The following LIPA variants were observed in gnomAD, a reference collection of about 807,000 sequenced individuals.
The protein encoded by LIPA is lipase A, lysosomal acid type.
Under a neutral mutation model 40.6 loss-of-function variants are expected in LIPA, and 26 were observed. The ratio of observed to expected loss-of-function variants is 0.64; its 90% CI spans 0.47 to 0.89. The LOEUF is 0.89. Ranked by LOEUF, LIPA falls within the 40% of genes least tolerant of loss-of-function variation. LIPA has a pLI of 0.00. For missense variants in LIPA, 455 were observed against 479.6 expected, an observed-to-expected ratio of 0.95 and a Z score of 0.48; for synonymous variants, 188 against 168.4, an observed-to-expected ratio of 1.12 and a Z score of -0.90.
intron 1 of LIPA, among the ~76,000 whole-genome samples, chr10:89,332,299 T>C (rs561289766): frequency 6.6e-6 from 1 of 152,366 alleles, no homozygotes; most frequent in African/African-American, 2.4e-5. Context: ...CTTTGCCTCT[T>C]GACATAACAC....
chr10:89,306,814 A>C, intron 1 of LIPA: 2 of 1,614,136 alleles, frequency 1.2e-6, no homozygotes, highest in Non-Finnish European at 8.5e-7. Flanking sequence ...TGCATTGCCA[A>C]ATTGGGTGCT....
chr10:89,224,302 A>AT (rs1273821089), intron 6 of LIPA, among the ~76,000 whole-genome samples: 1 of 152,046 alleles, frequency 6.6e-6, no homozygotes, highest in Non-Finnish European at 1.5e-5. Flanking sequence ...GTTTTTTAAA[A>AT]TTTTTTTTAT....
chr10:89,300,994 C>T (rs911353588), intron 1 of LIPA, among the ~76,000 whole-genome samples: 18 of 152,082 alleles, frequency 1.2e-4, no homozygotes, highest in Admixed American at 2.6e-4. Flanking sequence ...CTTTGGTTAA[C>T]GATTTTAGTT....
chr10:89,313,545 T>A (rs1333678158), intron 1 of LIPA, among the ~76,000 whole-genome samples: 1 of 152,116 alleles, frequency 6.6e-6, no homozygotes, highest in Non-Finnish European at 1.5e-5. Context: ...TAGATACATA[T>A]GTAAGAAAAA....
chr10:89,387,859 T>C (rs771565868), intron 2 of LIPA, among the ~76,000 whole-genome samples: 57 of 152,182 alleles, frequency 3.7e-4, no homozygotes, highest in Non-Finnish European at 7.1e-4. Flanking sequence ...GTTATACAAG[T>C]GTTCATTGTA....
intron 3 of LIPA, among the ~76,000 whole-genome samples, chr10:89,243,754 G>A (rs755952715): frequency 2.6e-5 from 4 of 152,118 alleles, no homozygotes; most frequent in African/African-American, 4.8e-5. Context: ...GCAACAGTGT[G>A]ATACACACAG....
intron 6 of LIPA, among the ~76,000 whole-genome samples, chr10:89,224,353 T>C (rs1842739703): frequency 6.6e-6 from 1 of 152,246 alleles, no homozygotes; most frequent in Non-Finnish European, 1.5e-5. Context: ...CCCAGCACTT[T>C]GAGAGGCCAA....
At chr10:89,308,292 T>G (rs534653178) in intron 1 of LIPA, 1 of 152,132 alleles carries the variant, frequency 6.6e-6, no homozygotes. Context: ...ATGGAGAAAT[T>G]TGCAGTATTT....
intron 3 of LIPA, among the ~76,000 whole-genome samples, chr10:89,233,710 G>C (rs747547357): frequency 2.6e-5 from 4 of 152,164 alleles, no homozygotes; most frequent in Non-Finnish European, 2.9e-5. Flanking sequence ...GGCCAGCCTG[G>C]CCAGCATGGT....
At chr10:89,334,782 C>T (rs1261782120) in intron 1 of LIPA, among the ~76,000 whole-genome samples, 7 of 152,138 alleles carry the variant, frequency 4.6e-5, no homozygotes, top group African/African-American at 7.2e-5. Flanking sequence ...TGAGCCACCG[C>T]GCCCGGCCAC....
chr10:89,294,376 A>G (rs1843396189), intron 1 of LIPA, among the ~76,000 whole-genome samples: 2 of 152,256 alleles, frequency 1.3e-5, no homozygotes, highest in Non-Finnish European at 2.9e-5. Context: ...GGAAAGTCCA[A>G]GATCAAGGGG....
chr10:89,379,930 G>C (rs932561835), intron 2 of LIPA, among the ~76,000 whole-genome samples: 1 of 151,996 alleles, frequency 6.6e-6, no homozygotes, highest in African/African-American at 2.4e-5. Flanking sequence ...AGCTACTCAG[G>C]AGGCTGAGGC....
intron 1 of LIPA, chr10:89,307,318 G>C: frequency 6.2e-7 from 1 of 1,612,874 alleles, no homozygotes; most frequent in Non-Finnish European, 8.5e-7. Context: ...AAGACTCTGA[G>C]AGGGGTTTGG....
exon 2 of LIPA, chr10:89,412,869 C>CCTG: frequency 3.2e-6 from 1 of 313,814 alleles, no homozygotes; most frequent in Non-Finnish European, 6.4e-6. Context: ...AACTGTAGCA[C>CCTG]TCACAGCGAG....
chr10:89,386,018 G>A (rs932744650), intron 2 of LIPA, among the ~76,000 whole-genome samples: 4 of 152,190 alleles, frequency 2.6e-5, no homozygotes, highest in Non-Finnish European at 5.9e-5. Context: ...ACCTGACCAA[G>A]AATTTTTATA....
chr10:89,342,445 T>TAA (rs1411923800), intron 1 of LIPA: 1 of 152,198 alleles, frequency 6.6e-6, no homozygotes, highest in Non-Finnish European at 1.5e-5. Context: ...TCCTGCTCCT[T>TAA]AAACAAAAGA....
upstream of LIPA, among the ~76,000 whole-genome samples, chr10:89,252,807 C>CAAAA (rs34928929): frequency 0.021 from 2,715 of 131,830 alleles, 80 homozygotes; most frequent in Middle Eastern, 0.027. Context: ...CTCCATCCCC[C>CAAAA]AAAAAAAAAA....
At chr10:89,243,454 C>T (rs1186020654) in intron 3 of LIPA, among the ~76,000 whole-genome samples, 1 of 152,280 alleles carries the variant, frequency 6.6e-6, no homozygotes, top group South Asian at 2.1e-4. Flanking sequence ...GGACCAAATG[C>T]TATGAACAGA....
intron 1 of LIPA, among the ~76,000 whole-genome samples, chr10:89,304,696 C>T (rs1843467020): frequency 6.6e-6 from 1 of 152,146 alleles, no homozygotes; most frequent in Non-Finnish European, 1.5e-5. Context: ...CTATTTATCT[C>T]CAAAGTAATT....
Sources: allele counts gnomAD v4.1 joint callset (sites outside exome capture counted in the v4.1 genomes callset), GRCh38; gene constraint gnomAD v4.1.1; transcripts MANE v1.5; gene names NCBI Gene and HGNC (gene_info 2026-07-23, HGNC 2026-07-21).